The following ADAMTS17 variants were observed in gnomAD, a reference collection of about 807,000 sequenced individuals.
The protein encoded by ADAMTS17 is ADAM metallopeptidase with thrombospondin type 1 motif 17.
Under a neutral mutation model 141.5 loss-of-function variants are expected in ADAMTS17, and 113 were observed. The observed-to-expected ratio is 0.80, with a 90% CI of 0.69 to 0.93. The LOEUF is 0.93. Ranked by LOEUF, ADAMTS17 falls within the 40% of genes least tolerant of loss-of-function variation. The pLI is 0.00. For missense variants in ADAMTS17, 1,659 were observed against 1,517.9 expected, an observed-to-expected ratio of 1.09 and a Z score of -1.54; for synonymous variants, 768 against 630.6, an observed-to-expected ratio of 1.22 and a Z score of -3.27.
chr15:99,982,249 T>C (rs543634398), intron 20 of ADAMTS17, among the ~76,000 whole-genome samples: 1 of 152,358 alleles, frequency 6.6e-6, no homozygotes, highest in East Asian at 1.9e-4. Context: ...AGGGAGCTCC[T>C]GCAGCCCAGC....
intron 12 of ADAMTS17, among the ~76,000 whole-genome samples, chr15:100,125,062 A>G (rs1382393942): frequency 1.3e-5 from 2 of 152,228 alleles, no homozygotes; most frequent in Non-Finnish European, 2.9e-5. Context: ...AAGTCACAAC[A>G]GCAGTTCGGA....
intron 3 of ADAMTS17, among the ~76,000 whole-genome samples, chr15:100,305,381 C>G (rs1332334223): frequency 6.6e-6 from 1 of 152,206 alleles, no homozygotes; most frequent in African/African-American, 2.4e-5. Flanking sequence ...ATAAATCCGT[C>G]TCAAAGGCTG....
intron 15 of ADAMTS17, among the ~76,000 whole-genome samples, chr15:100,065,681 A>G (rs949865970): frequency 2.0e-5 from 3 of 152,212 alleles, no homozygotes; most frequent in Non-Finnish European, 2.9e-5. Context: ...GATAGGTATC[A>G]TTAATCTATC....
At chr15:100,015,994 G>A (rs373610906) in intron 18 of ADAMTS17, among the ~76,000 whole-genome samples, 6 of 152,216 alleles carry the variant, frequency 3.9e-5, no homozygotes, top group East Asian at 3.9e-4. Context: ...TCTTCCTCAG[G>A]AACACTGATT....
chr15:100,336,745 AAATC>A (rs1290400785), intron 2 of ADAMTS17, among the ~76,000 whole-genome samples: 4 of 152,188 alleles, frequency 2.6e-5, no homozygotes, highest in Non-Finnish European at 5.9e-5. Flanking sequence ...GCAATTTTGT[AAATC>A]AATCAATCGA....
At chr15:100,222,372 C>T (rs2042161607) in intron 7 of ADAMTS17, among the ~76,000 whole-genome samples, 1 of 152,222 alleles carries the variant, frequency 6.6e-6, no homozygotes, top group Admixed American at 6.5e-5. Context: ...AAAGGGGCCA[C>T]AGCACGTCTG....
At chr15:100,204,539 A>C (rs2041459047) in intron 7 of ADAMTS17, among the ~76,000 whole-genome samples, 1 of 152,228 alleles carries the variant, frequency 6.6e-6, no homozygotes, top group Admixed American at 6.5e-5. Context: ...TTTAGGAGCA[A>C]ATGTCTTAGA....
intron 4 of ADAMTS17, among the ~76,000 whole-genome samples, chr15:100,265,638 G>A (rs1026945977): frequency 2.0e-5 from 3 of 152,184 alleles, no homozygotes; most frequent in African/African-American, 7.2e-5. Context: ...GAGTGGAGCT[G>A]CTCACCACGC....
chr15:100,103,405 T>C (rs570811842), intron 14 of ADAMTS17, among the ~76,000 whole-genome samples: 1 of 152,330 alleles, frequency 6.6e-6, no homozygotes, highest in South Asian at 2.1e-4. Flanking sequence ...CAGGGTCTCT[T>C]TGAATTCTCC....
chr15:100,122,799 T>C (rs2141183605), intron 12 of ADAMTS17, among the ~76,000 whole-genome samples: 1 of 152,278 alleles, frequency 6.6e-6, no homozygotes, highest in South Asian at 2.1e-4. Flanking sequence ...CTCCTCATCA[T>C]CTTCACATTG....
At chr15:100,107,530 G>A (rs1416724704) in intron 14 of ADAMTS17, among the ~76,000 whole-genome samples, 4 of 152,154 alleles carry the variant, frequency 2.6e-5, no homozygotes, top group African/African-American at 7.2e-5. Context: ...TGGTCTGAAT[G>A]TTTGTGTCTC....
At chr15:100,004,468 A>T (rs1188401289) in intron 18 of ADAMTS17, among the ~76,000 whole-genome samples, 1 of 152,238 alleles carries the variant, frequency 6.6e-6, no homozygotes, top group Non-Finnish European at 1.5e-5. Context: ...AATTTGGGAA[A>T]GGAACTGTAG....
chr15:99,980,014 G>A (rs1226842924), intron 20 of ADAMTS17: 2 of 152,178 alleles, frequency 1.3e-5, no homozygotes, highest in Non-Finnish European at 2.9e-5. Context: ...TATTTGGCAC[G>A]TATGAGGCCC....
rs8041069 is a variant in ADAMTS17 at position 100,199,852 on chromosome 15, A to G, written c.1076-429T>C. On this transcript the variant is annotated intron_variant, in intron 7 of 21. Coordinates refer to ENST00000268070, the MANE Select transcript of ADAMTS17 (RefSeq NM_139057.4). ...CAGCCAGGTAAGACACCGAGGGTGC[A>G]AGGTTTAAGAGGCCCTGACTCCCCT... Among the ~76,000 whole-genome samples, 1,267 of 152,280 alleles carry G rather than the reference A, an allele frequency of 8.3e-3. 21 individuals carry two copies. Among genetic ancestry groups the G allele is most frequent in the African/African-American group, 0.03 (1,227 of 41,562 alleles).
chr15:100,196,145 T>A (rs774561053), intron 8 of ADAMTS17, among the ~76,000 whole-genome samples: 2 of 152,182 alleles, frequency 1.3e-5, no homozygotes, highest in Non-Finnish European at 2.9e-5. Context: ...TGGCAAGAAC[T>A]TTAAGTTTAA....
intron 10 of ADAMTS17, among the ~76,000 whole-genome samples, chr15:100,138,992 A>G (rs184994334): frequency 4.6e-5 from 7 of 152,304 alleles, no homozygotes; most frequent in African/African-American, 7.2e-5. Flanking sequence ...TTGAAGGCGC[A>G]TGGGGGGTAT....
Position 100,006,489 on chromosome 15 carries a change from GAC to G in ADAMTS17, c.2592-8902_2592-8901del, listed in dbSNP as rs1004403906. ...GCCATCATCAGGGTCACACTTTTCT[GAC>G]ACAGTTATTTTATGTTGAATATAGA... is the stretch of plus-strand genomic sequence containing the variant. On this transcript the variant is annotated intron_variant, in intron 18 of 21. Transcript: ENST00000268070. Among the ~76,000 whole-genome samples the G allele has an allele frequency of 9.2e-5, 14 of 152,306 alleles. No individual in the cohort carries two copies. The East Asian group carries it at 1.9e-3, about 21-fold the overall frequency.
At position 100,254,131 on chromosome 15, in the gene ADAMTS17, C is replaced by T; in HGVS notation, c.1075+5G>A. On this transcript the variant is annotated splice_donor_5th_base_variant and intron_variant, in intron 7 of 21. Transcript: ENST00000268070. The stretch of plus-strand genomic sequence containing the variant: ...CTTAGATTATTATTTCAACTCTAAA[C>T]TTACCAACAGTGTCACACGGTTCAT... The T allele has an allele frequency of 6.2e-7, 1 of 1,613,132 alleles. No individual in the cohort carries two copies. The highest frequency in any genetic ancestry group is 8.5e-7 in the Non-Finnish European group (1 of 1,179,066).
intron 15 of ADAMTS17, among the ~76,000 whole-genome samples, chr15:100,069,011 T>C (rs368508693): frequency 6.6e-6 from 1 of 152,248 alleles, no homozygotes; most frequent in East Asian, 1.9e-4. Context: ...ATTACATGAA[T>C]GGCTAACTAG....
Sources: gnomAD v4.1 joint callset for allele counts (sites outside exome capture counted in the v4.1 genomes callset) on GRCh38, gnomAD v4.1.1 for gene constraint, MANE v1.5 for transcripts, NCBI Gene and HGNC (gene_info 2026-07-23, HGNC 2026-07-21) for gene names.